Variants in PDE6B observed in about 807,000 individuals in gnomAD.
PDE6B encodes the protein phosphodiesterase 6B, also known as rod cGMP-specific 3',5'-cyclic phosphodiesterase subunit beta.
A neutral mutation model predicts 109.0 loss-of-function variants in PDE6B; 106 were observed. The ratio of observed to expected loss-of-function variants is 0.97; its 90% CI spans 0.83 to 1.14. The LOEUF (loss-of-function observed/expected upper bound fraction) is 1.14. Among genes scored for constraint, PDE6B ranks in the 50% most tolerant of loss-of-function variants. The pLI is 0.00. For synonymous variants in PDE6B, 490 were observed against 471.3 expected, an observed-to-expected ratio of 1.04 and a Z score of -0.51; for missense variants, 1,193 against 1,155.6, an observed-to-expected ratio of 1.03 and a Z score of -0.47.
intron 3 of PDE6B, among the ~76,000 whole-genome samples, chr4:650,292 G>GT (rs555447004): frequency 4.7e-4 from 71 of 152,358 alleles, no homozygotes; most frequent in South Asian, 2.7e-3. Context: ...GACAATTCAC[G>GT]TAAGAATTAG....
chr4:654,547 G>A (rs1474942838), intron 5 of PDE6B: 15 of 599,004 alleles, frequency 2.5e-5, no homozygotes, highest in African/African-American at 9.2e-5. Context: ...GATGTAAACC[G>A]CGGCGTGTGA....
intron 21 of PDE6B, 63 bp from the exon 22 acceptor site, chr4:669,983 G>A (rs1022478773): frequency 1.5e-6 from 2 of 1,362,066 alleles, no homozygotes; most frequent in Non-Finnish European, 2.1e-6. Flanking sequence ...CCAGGCAGGA[G>A]GGAAGGAATA....
Position 664,884 on chromosome 4 carries a change from C to T in PDE6B, c.2133C>T (p.Ala711=). 6.2e-7 allele frequency: 1 copy of T among 1,613,098 alleles called. No individual in the cohort carries two copies. The highest frequency in any genetic ancestry group is 8.5e-7 in the Non-Finnish European group (1 of 1,179,754). The change falls in exon 18 of 22, where the codon GCC becomes GCT. Residue 711 remains alanine (A), a synonymous_variant. Transcript: ENST00000496514. Reference sequence around the variant, plus strand: ...CGTGCCCGGTTTGTGTCTGCAGGGCCATGATGATGACAGCCTGCGACCTGT... The same window carrying T: ...CGTGCCCGGTTTGTGTCTGCAGGGCTATGATGATGACAGCCTGCGACCTGT... The part of the protein sequence containing the change: ...LETTRKEIVM[A]MMMTACDLSA...
Position 665,071 on chromosome 4 carries a change from C to A in PDE6B, c.2193+127C>A. Reference sequence around the variant, plus strand: ...GGAGCTCTGAGGGCCACCTCGGGGCCAGGCCAGGGCGGCAAGGATGGGGGT... The same window carrying A: ...GGAGCTCTGAGGGCCACCTCGGGGCAAGGCCAGGGCGGCAAGGATGGGGGT... On this transcript the variant is annotated intron_variant, in intron 18 of 21. Transcript: ENST00000496514. This position sits in a 1 kb window ranked among gnomAD's most constrained non-coding sequence, Gnocchi z 4.0. 1.1e-6 allele frequency: 1 copy of A among 876,850 alleles called. No homozygotes were observed. Among genetic ancestry groups the A allele is most frequent in the Non-Finnish European group, 1.9e-6 (1 of 526,014 alleles). 54.3% of individuals were successfully genotyped at this position (876,850 alleles called of 1,614,324 possible).
chr4:626,132 C>T lies in PDE6B; in HGVS notation c.468+38C>T. ...GGAGCCTCAGGGAGGCGGCTGTGTG[C>T]ATCTCTTGCACCTGTCCCAGGTGTC... On this transcript the variant is annotated intron_variant, in intron 1 of 21. Transcript: ENST00000496514. This position sits in a 1 kb window ranked among gnomAD's most constrained non-coding sequence, Gnocchi z 4.6. The T allele has an allele frequency of 1.6e-6, 2 of 1,247,944 alleles. No individual in the cohort carries two copies. Among genetic ancestry groups the T allele is most frequent in the South Asian group, 1.3e-5 (1 of 77,850 alleles). The allele number at this position is 1,247,944 out of a possible 1,614,324, so 77.3% of individuals were successfully genotyped here. A position where few individuals can be genotyped will look rare whatever the true frequency, so the allele number is the denominator to read the frequency against.
chr4:662,224 A>G lies in PDE6B; in HGVS notation c.1705A>G (p.Met569Val). The G allele has an allele frequency of 6.4e-7, 1 of 1,559,574 alleles. No individual in the cohort carries two copies. Among genetic ancestry groups the G allele is most frequent in the Non-Finnish European group, 8.7e-7 (1 of 1,147,152 alleles). ...CCACGGCTTCAACGTGGCCCAGACGATGTTCACGCTGCTCATGGTACGTGG... is the reference window on the plus strand; with the variant it reads ...CCACGGCTTCAACGTGGCCCAGACGGTGTTCACGCTGCTCATGGTACGTGG... ...WRHGFNVAQT[M>V]FTLLMTGKLK... Residue 569 changes from methionine to valine, a missense_variant, in exon 13 of 22, where the codon ATG (methionine) becomes GTG (valine). Physicochemically the swap from Met to Val is conservative, Grantham distance 21. Transcript: ENST00000496514. The surrounding 1 kb of genome is among the most constrained non-coding windows in gnomAD (Gnocchi z 4.3).
intron 1 of PDE6B, among the ~76,000 whole-genome samples, chr4:634,049 C>G (rs1734519320): frequency 6.6e-6 from 1 of 151,924 alleles, no homozygotes; most frequent in Admixed American, 6.5e-5. Context: ...AAGTTCTCAT[C>G]ACGGTGGGCC....
At chr4:649,540 C>T (rs1735387308) in intron 3 of PDE6B, among the ~76,000 whole-genome samples, 1 of 152,156 alleles carries the variant, frequency 6.6e-6, no homozygotes, top group Admixed American at 6.5e-5. Flanking sequence ...TTCTTGGATT[C>T]CCCAGGCACT....
At chr4:667,686 C>G (rs982308376) in intron 20 of PDE6B, among the ~76,000 whole-genome samples, 170 bp from the exon 21 acceptor site, 1 of 152,228 alleles carries the variant, frequency 6.6e-6, no homozygotes, top group African/African-American at 2.4e-5. Flanking sequence ...ACACAGCCCC[C>G]GAGGTTTCTC....
intron 3 of PDE6B, chr4:652,376 CATGGAAACAGAGA>C (rs1735658094): frequency 5.7e-6 from 2 of 348,980 alleles, no homozygotes; most frequent in Non-Finnish European, 8.1e-6. Context: ...ACCCTGAATT[CATGGAAACAGAGA>C]GTGGAAAGGG....
At position 636,391 on chromosome 4, in the gene PDE6B, T is replaced by C. The variant is rs368803187; in HGVS notation, c.711+422T>C. ...GTGTAGGGGCAGGTCCGGCCCTGGC[T>C]GAGAGAGGGTACGGGGGCAGGTCTG... On this transcript the variant is annotated intron_variant, in intron 3 of 21. Transcript: ENST00000496514. The surrounding 1 kb of genome is among the most constrained non-coding windows in gnomAD (Gnocchi z 4.5). Among the ~76,000 whole-genome samples, 21 of 151,946 alleles carry C rather than the reference T, an allele frequency of 1.4e-4. No homozygotes were observed. The East Asian group carries it at 2.7e-3, about 20-fold the overall frequency.
At chr4:654,971 C>T (rs990522164) in intron 6 of PDE6B, 83 bp downstream of exon 6, 1 of 863,074 alleles carries the variant, frequency 1.2e-6, no homozygotes, top group South Asian at 1.3e-5. Flanking sequence ...GCCGTCCTCC[C>T]AGGGCTTCCC....
At chr4:638,631 T>A (rs888270963) in intron 3 of PDE6B, among the ~76,000 whole-genome samples, 11 of 152,202 alleles carry the variant, frequency 7.2e-5, no homozygotes, top group East Asian at 1.9e-4. Context: ...CCAGAGTTTT[T>A]AAATATATTT....
intron 3 of PDE6B, chr4:652,381 A>G: frequency 2.7e-6 from 1 of 376,878 alleles, no homozygotes; most frequent in Non-Finnish European, 3.7e-6. Context: ...GAATTCATGG[A>G]AACAGAGAGT....
chr4:659,605 G>A (rs114927716), intron 11 of PDE6B, among the ~76,000 whole-genome samples: 310 of 145,600 alleles, frequency 2.1e-3, no homozygotes, highest in African/African-American at 7.5e-3. Flanking sequence ...ATGTGTGTGC[G>A]TGTGTGCATT....
intron 21 of PDE6B, 125 bp from the exon 22 acceptor site, chr4:669,921 G>T (rs1017423645): frequency 2.5e-6 from 2 of 813,748 alleles, no homozygotes; most frequent in African/African-American, 1.7e-5. Context: ...GCTTGGGCTG[G>T]TCACAGACCC....
chr4:630,368 G>A (rs1459716596), intron 1 of PDE6B, among the ~76,000 whole-genome samples: 1 of 152,184 alleles, frequency 6.6e-6, no homozygotes, highest in Non-Finnish European at 1.5e-5. Flanking sequence ...TGGGACCAGG[G>A]TGGCTGTGGC....
intron 1 of PDE6B, among the ~76,000 whole-genome samples, chr4:629,983 C>T (rs150427246): frequency 8.1e-4 from 123 of 152,222 alleles, no homozygotes; most frequent in Middle Eastern, 3.4e-3. Context: ...CCTGGCATGT[C>T]TGACCAGGAG....
intron 6 of PDE6B, 192 bp downstream of exon 6, chr4:655,080 A>T: frequency 1.6e-6 from 1 of 621,588 alleles, no homozygotes; most frequent in Non-Finnish European, 2.9e-6. Flanking sequence ...AAGCCGACTC[A>T]CTGTTCTGGG....
Sources: allele counts gnomAD v4.1 joint callset (sites outside exome capture counted in the v4.1 genomes callset), GRCh38; gene constraint gnomAD v4.1.1; non-coding constraint Gnocchi (gnomAD v3.1); transcripts MANE v1.5; gene names NCBI Gene and HGNC (gene_info 2026-07-23, HGNC 2026-07-21).